Variants in MAPK6 observed in about 807,000 individuals in gnomAD.
MAPK6 encodes the protein ERK-3.
Under a neutral mutation model 59.3 loss-of-function variants are expected in MAPK6, and 19 were observed. The observed-to-expected ratio is 0.32, with a 90% CI of 0.22 to 0.47. The LOEUF is 0.47. Among genes scored for constraint, MAPK6 ranks in the 20% least tolerant of loss-of-function variants. The pLI is 1.00. For missense variants in MAPK6, 724 were observed against 847.9 expected (o/e 0.85, Z 1.81); for synonymous variants, 316 against 290.3 (o/e 1.09, Z -0.90).
chr15:52,061,332 G>A lies in MAPK6; in HGVS notation c.899G>A (p.Ser300Asn). 6.2e-7 allele frequency: 1 copy of A among 1,614,030 alleles called. No homozygotes were observed. Among genetic ancestry groups the A allele is most frequent in the Non-Finnish European group, 8.5e-7 (1 of 1,179,966 alleles). The change falls in exon 5 of 6, where the codon AGC becomes AAC. Residue 300 changes from serine to asparagine, a missense_variant. Transcript: ENST00000261845. ...TTCCTGGAACAAATTTTGACATTTA[G>A]CCCCATGGATCGGTTAACAGCAGAA... ...LDFLEQILTF[S>N]PMDRLTAEEA...
At chr15:52,023,966 C>A (rs2030651396) in intron 1 of MAPK6, among the ~76,000 whole-genome samples, 1 of 152,136 alleles carries the variant, frequency 6.6e-6, no homozygotes, top group Admixed American at 6.6e-5. Flanking sequence ...AAGTCCATTT[C>A]TAAAAAATTG....
At chr15:51,993,949 T>G (rs2057217393) in intron 2 of MAPK6, among the ~76,000 whole-genome samples, 1 of 151,724 alleles carries the variant, frequency 6.6e-6, no homozygotes. Flanking sequence ...CGGTTTCTTT[T>G]TATTTATTTA....
chr15:51,980,153 G>A (rs2141805128), intron 1 of MAPK6, among the ~76,000 whole-genome samples: 1 of 151,424 alleles, frequency 6.6e-6, no homozygotes, highest in Admixed American at 6.6e-5. Flanking sequence ...AAATTAGCCG[G>A]GCGTGGTGGC....
rs1427239863 is a variant in MAPK6, at chr15:52,046,593, A to G, written c.133A>G (p.Arg45Gly). 6.2e-7 allele frequency: 1 copy of G among 1,614,102 alleles called. No individual in the cohort carries two copies. The highest frequency in any genetic ancestry group is 1.6e-4 in the Middle Eastern group (1 of 6,082). Reference sequence around the variant, plus strand: ...TGCTGTAGACAATGACTGTGACAAAAGAGTAGCCATCAAGAAAATTGTCCT... The same window carrying G: ...TGCTGTAGACAATGACTGTGACAAAGGAGTAGCCATCAAGAAAATTGTCCT... The part of the protein sequence containing the change: ...FSAVDNDCDK[R>G]VAIKKIVLTD... Residue 45 changes from arginine to glycine, a missense_variant, in exon 2 of 6, where the codon AGA becomes GGA. Transcript: ENST00000261845.
chr15:52,030,547 G>T (rs2030987212), intron 1 of MAPK6, among the ~76,000 whole-genome samples: 1 of 150,322 alleles, frequency 6.7e-6, no homozygotes, highest in Non-Finnish European at 1.5e-5. Flanking sequence ...TTATCAGATG[G>T]TAGTACTATA....
At chr15:52,028,944 A>G (rs1015622148) in intron 1 of MAPK6, among the ~76,000 whole-genome samples, 8 of 152,228 alleles carry the variant, frequency 5.3e-5, no homozygotes, top group Admixed American at 1.3e-4. Flanking sequence ...GGAGCATTCA[A>G]TATAGTTGAC....
chr15:52,005,253 G>A (rs548173007), intron 3 of MAPK6, among the ~76,000 whole-genome samples: 11 of 152,148 alleles, frequency 7.2e-5, no homozygotes, highest in Non-Finnish European at 1.2e-4. Flanking sequence ...GGCCAGGTGC[G>A]GTGGCTCATG....
At chr15:52,001,710 T>C (rs149363690) in intron 2 of MAPK6, among the ~76,000 whole-genome samples, 2,027 of 152,182 alleles carry the variant, frequency 0.013, 25 homozygotes, top group Non-Finnish European at 0.017. Flanking sequence ...GGTTTCACCA[T>C]GTTGGCCAGG....
chr15:52,032,916 TTCA>T (rs1005523432), intron 1 of MAPK6, among the ~76,000 whole-genome samples: 27 of 151,472 alleles, frequency 1.8e-4, no homozygotes, highest in African/African-American at 5.8e-4. Context: ...AACTCCTGAC[TTCA>T]GGTGATCTGC....
Position 52,058,810 on chromosome 15 carries a change from G to C in MAPK6, c.865+13G>C, listed in dbSNP as rs79744942. 35 of 1,602,212 alleles carry C rather than the reference G, an allele frequency of 2.2e-5. No individual in the cohort carries two copies. Among genetic ancestry groups the C allele is most frequent in the Non-Finnish European group, 2.8e-5 (33 of 1,172,884 alleles). ...ATTAGTCGAGAAGGTATTGTGACTC[G>C]AGAGTAACCCTCACGTTAATGCCTG... On this transcript the variant is annotated intron_variant, in intron 4 of 5. Coordinates refer to ENST00000261845, the MANE Select transcript of MAPK6 (RefSeq NM_002748.4).
intron 1 of MAPK6, among the ~76,000 whole-genome samples, chr15:52,027,111 T>C (rs2030819201): frequency 6.6e-6 from 1 of 151,404 alleles, no homozygotes; most frequent in Non-Finnish European, 1.5e-5. Flanking sequence ...CCCAGGACTT[T>C]GGGAGGCCGA....
At chr15:52,059,793 A>T (rs530854392) in intron 4 of MAPK6, among the ~76,000 whole-genome samples, 3 of 152,324 alleles carry the variant, frequency 2.0e-5, no homozygotes, top group Admixed American at 1.3e-4. Context: ...AAGCAAGTGA[A>T]TGCAGAGTGG....
chr15:52,050,480 T>C (rs2031741878), intron 3 of MAPK6, among the ~76,000 whole-genome samples: 1 of 152,218 alleles, frequency 6.6e-6, no homozygotes, highest in Non-Finnish European at 1.5e-5. Context: ...ATCCAACAAA[T>C]TTTTCTTGGT....
chr15:52,060,236 T>C (rs1055119541), intron 4 of MAPK6, among the ~76,000 whole-genome samples: 4 of 152,148 alleles, frequency 2.6e-5, no homozygotes. Flanking sequence ...AGATGCTGTG[T>C]CTTAAAATTA....
In MAPK6 at chr15:51,998,687, A is replaced by ATTTTTTTT. The variant is rs964775744; in HGVS notation, c.-769-5564_-769-5557dup. Among the ~76,000 whole-genome samples the ATTTTTTTT allele has an allele frequency of 5.2e-4, 20 of 38,494 alleles. 7 individuals carry two copies. In the East Asian group the frequency reaches 7.6e-3, roughly 15 times the overall value. The allele number at this position is 38,494 out of a possible 152,430, so 25.3% of individuals were successfully genotyped here. On this transcript the variant is annotated intron_variant, in intron 2 of 7. Coordinates refer to the MAPK6 transcript ENST00000691380. Reference sequence around the variant, plus strand: ...AGGCGTGCGCCACCATGCCTGGTTAATTTTTTTTTTTTTTTTTTTTTGAGA... The same window carrying ATTTTTTTT: ...AGGCGTGCGCCACCATGCCTGGTTAATTTTTTTTTTTTTTTTTTTTTTTTTTTTTGAGA...
chr15:52,058,597 G>T (rs749336099), intron 3 of MAPK6, 36 bp from the exon 4 acceptor site: 2 of 1,535,290 alleles, frequency 1.3e-6, no homozygotes, highest in East Asian at 2.3e-5. Context: ...AGTAAACATT[G>T]AGGAATGTGT....
rs1236503270 is a variant in MAPK6, at chr15:52,067,222, G to C, written c.*2222G>C. 6.6e-6 allele frequency: 1 copy of C among 152,140 alleles called. No homozygotes were observed. Among genetic ancestry groups the C allele is most frequent in the Non-Finnish European group, 1.5e-5 (1 of 68,038 alleles). The allele number at this position is 152,140 out of a possible 1,614,324, so 9.4% of individuals were successfully genotyped here. On this transcript the variant is annotated 3_prime_UTR_variant, in exon 6 of 6. Transcript: ENST00000261845. The stretch of plus-strand genomic sequence containing the variant: ...TTAGTGGCCATCTACACAATGATCT[G>C]ACTTGTTGGCATTAAAAAGTCCAAA...
At chr15:52,041,370 A>G (rs1192664201) in intron 1 of MAPK6, among the ~76,000 whole-genome samples, 2 of 151,890 alleles carry the variant, frequency 1.3e-5, no homozygotes, top group Non-Finnish European at 2.9e-5. Context: ...CTAATTTTGT[A>G]TTTTTAGTAG....
At chr15:52,049,971 A>T (rs182402354) in intron 2 of MAPK6, 22 bp from the exon 3 acceptor site, 1 of 1,598,448 alleles carries the variant, frequency 6.3e-7, no homozygotes, top group African/African-American at 1.3e-5. Context: ...TAAAAAAAGT[A>T]TGTTTTTTGT....
Sources: allele counts gnomAD v4.1 joint callset (sites outside exome capture counted in the v4.1 genomes callset), GRCh38; gene constraint gnomAD v4.1.1; transcripts MANE v1.5; gene names NCBI Gene and HGNC (gene_info 2026-07-23, HGNC 2026-07-21).